TOP2A: variants seen among roughly 807,000 people sequenced by gnomAD.
TOP2A encodes the protein DNA topoisomerase II alpha, also known as DNA topoisomerase 2-alpha.
Under a neutral mutation model 187.2 loss-of-function variants are expected in TOP2A, and 68 were observed. The observed-to-expected ratio is 0.36, with a 90% CI of 0.30 to 0.44. The LOEUF is 0.44. Among genes scored for constraint, TOP2A ranks in the 20% least tolerant of loss-of-function variants. TOP2A has a pLI of 1.00. For synonymous variants in TOP2A, 542 were observed against 593.2 expected, an observed-to-expected ratio of 0.91 and a Z score of 1.25; for missense variants, 1,196 against 1,808.7, an observed-to-expected ratio of 0.66 and a Z score of 6.14.
In TOP2A at chr17:40,400,205, A is replaced by G. The variant is rs369125095; in HGVS notation, c.3000+4T>C. 1.1e-5 allele frequency: 18 copies of G among 1,613,324 alleles called. No individual in the cohort carries two copies. Among genetic ancestry groups the G allele is most frequent in the Non-Finnish European group, 1.4e-5 (17 of 1,179,412 alleles). Reference sequence around the variant, plus strand: ...CGTGTACATCTCACAAAACAAATACATACCATAGAGTTGCATGTGAGACTA... The same window carrying G: ...CGTGTACATCTCACAAAACAAATACGTACCATAGAGTTGCATGTGAGACTA... On this transcript the variant is annotated splice_donor_region_variant and intron_variant, in intron 23 of 34. Transcript: ENST00000423485.
At position 40,406,960 on chromosome 17, in the gene TOP2A, C is replaced by A. The variant is rs567408698; in HGVS notation, c.1627-18G>T. ...TCTTGGTCCTAGAAAGATTTGAAAG[C>A]CAAAGTTCAAAAGAACTGTTAGGCT... On this transcript the variant is annotated intron_variant, in intron 13 of 34. Transcript: ENST00000423485. The A allele has an allele frequency of 5.8e-6, 9 of 1,557,616 alleles. No homozygotes were observed. In the East Asian group the frequency reaches 1.8e-4, roughly 32 times the overall value.
At chr17:40,397,304 T>C (rs1030708017) in intron 27 of TOP2A, among the ~76,000 whole-genome samples, 14 of 122,860 alleles carry the variant, frequency 1.1e-4, no homozygotes, top group East Asian at 9.4e-4. Flanking sequence ...TTTTTTTTTT[T>C]AGATGGAGTC....
chr17:40,397,993 G>A (rs775213382), intron 27 of TOP2A, among the ~76,000 whole-genome samples: 10 of 151,800 alleles, frequency 6.6e-5, no homozygotes, highest in Non-Finnish European at 1.3e-4. Flanking sequence ...GGTCAGGCTG[G>A]TCTCGAACTC....
intron 1 of TOP2A, 122 bp downstream of exon 1, chr17:40,417,649 T>C: frequency 6.4e-7 from 1 of 1,550,768 alleles, no homozygotes; most frequent in Non-Finnish European, 8.7e-7. Context: ...GAATGGAGAA[T>C]ATGGGCTCCC....
chr17:40,407,967 CTGCT>C lies in TOP2A; in HGVS notation c.1496_1499del (p.Lys499ArgfsTer29). 6.2e-7 allele frequency: 1 copy of C among 1,610,642 alleles called. No homozygotes were observed. Among genetic ancestry groups the C allele is most frequent in the Non-Finnish European group, 8.5e-7 (1 of 1,178,384 alleles). ...TTCTGAAGATCGTCTTATATTCTAC[CTGCT>C]TATGAGAAGCTTCTCGAACATTGAG... On this transcript the variant is annotated frameshift_variant and splice_region_variant, in exon 12 of 35. Transcript: ENST00000423485. LOFTEE classifies it high-confidence loss of function.
chr17:40,408,800 A>G (rs1270229967), intron 10 of TOP2A, 170 bp from the exon 11 acceptor site: 3 of 727,468 alleles, frequency 4.1e-6, no homozygotes, highest in African/African-American at 3.5e-5. Flanking sequence ...TCAGGTTATC[A>G]CCACTGAGGG....
chr17:40,390,986 C>A (rs1322747933), intron 33 of TOP2A, among the ~76,000 whole-genome samples: 1 of 152,084 alleles, frequency 6.6e-6, no homozygotes, highest in Non-Finnish European at 1.5e-5. Flanking sequence ...CTTATAAATC[C>A]TATCCTTGTC....
At position 40,400,199 on chromosome 17, in the gene TOP2A, A is replaced by G. The variant is rs375014018; in HGVS notation, c.3000+10T>C. 3.7e-6 allele frequency: 6 copies of G among 1,613,154 alleles called. No homozygotes were observed. Among genetic ancestry groups the G allele is most frequent in the African/African-American group, 1.3e-5 (1 of 74,928 alleles). On this transcript the variant is annotated intron_variant, in intron 23 of 34. Transcript: ENST00000423485. ...TTGAAACGTGTACATCTCACAAAAC[A>G]AATACATACCATAGAGTTGCATGTG...
chr17:40,407,547 A>C lies in TOP2A; in HGVS notation c.1626+2T>G. 1 of 1,562,708 alleles carries C rather than the reference A, an allele frequency of 6.4e-7. No homozygotes were observed. On this transcript the variant is annotated splice_donor_variant, in intron 13 of 34. Transcript: ENST00000423485. LOFTEE classifies it high-confidence loss of function. ...ATCTAAAAATTTAATAACAAATCTGACCTGATCTGTCATAATCATTATCTT... is the reference window on the plus strand; with the variant it reads ...ATCTAAAAATTTAATAACAAATCTGCCCTGATCTGTCATAATCATTATCTT...
rs887638960 is a variant in TOP2A at position 40,395,489 on chromosome 17, G to A, written c.3771C>T (p.Gly1257=). ...GTTTCTTTTCTAATCTTTGTTTTAG[G>A]CCTTCTAGTTCCACACCATCTTCTT... ...SPQEDGVELE[G]LKQRLEKKQK... The change falls in exon 29 of 35, where the codon GGC becomes GGT. Residue 1257 remains glycine (G), a synonymous_variant. Transcript: ENST00000423485. 6 of 1,611,508 alleles carry A rather than the reference G, an allele frequency of 3.7e-6. No homozygotes were observed. The highest frequency in any genetic ancestry group is 3.4e-6 in the Non-Finnish European group (4 of 1,178,728).
intron 4 of TOP2A, among the ~76,000 whole-genome samples, chr17:40,415,701 C>G (rs1413959082): frequency 6.6e-6 from 1 of 152,172 alleles, no homozygotes; most frequent in Admixed American, 6.5e-5. Context: ...ATGGCACACA[C>G]CCATAATGCC....
intron 28 of TOP2A, 44 bp downstream of exon 28, chr17:40,396,239 C>A: frequency 8.6e-7 from 1 of 1,164,796 alleles, no homozygotes; most frequent in Non-Finnish European, 1.2e-6. Context: ...CCTTGGCCCC[C>A]AAAGTGCTGG....
At chr17:40,400,827 C>T (rs1312716982) in intron 21 of TOP2A, 23 bp downstream of exon 21, 6 of 1,610,832 alleles carry the variant, frequency 3.7e-6, no homozygotes, top group South Asian at 1.1e-5. Flanking sequence ...AGTTAAGGCT[C>T]TTAACACACA....
At chr17:40,409,942 GC>G in intron 10 of TOP2A, 1 of 179,026 alleles carries the variant, frequency 5.6e-6, no homozygotes. Context: ...AAAAAAATTA[GC>G]CAGGCATGGT....
At chr17:40,416,210 A>G in intron 3 of TOP2A, 142 bp from the exon 4 acceptor site, 1 of 785,392 alleles carries the variant, frequency 1.3e-6, no homozygotes, top group Non-Finnish European at 2.1e-6. Context: ...ATTTTTGTCC[A>G]TAGTACTGTT....
intron 29 of TOP2A, among the ~76,000 whole-genome samples, chr17:40,393,647 A>G (rs2035054654): frequency 6.6e-6 from 1 of 152,228 alleles, no homozygotes; most frequent in African/African-American, 2.4e-5. Context: ...TTAACATATG[A>G]TACTGAAATA....
chr17:40,411,268 A>C lies in TOP2A; in HGVS notation c.1066-22T>G. ...TCACCTGCAATAGAAGTTGATATTA[A>C]GCCACTAAAAATGTACTCATGCTTT... On this transcript the variant is annotated intron_variant, in intron 9 of 34. Transcript: ENST00000423485. This position sits in a 1 kb window ranked among gnomAD's most constrained non-coding sequence, Gnocchi z 4.4. 6.2e-7 allele frequency: 1 copy of C among 1,612,138 alleles called. No homozygotes were observed. The highest frequency in any genetic ancestry group is 2.2e-5 in the East Asian group (1 of 44,814).
At chr17:40,406,045 C>T (rs1404424821) in intron 16 of TOP2A, among the ~76,000 whole-genome samples, 1 of 152,108 alleles carries the variant, frequency 6.6e-6, no homozygotes, top group African/African-American at 2.4e-5. Flanking sequence ...GGATTACAGG[C>T]GTGAGCCACT....
At position 40,402,896 on chromosome 17, in the gene TOP2A, G is replaced by A. The variant is rs1210922790; in HGVS notation, c.2432+10C>T. The A allele has an allele frequency of 6.3e-7, 1 of 1,580,724 alleles. No individual in the cohort carries two copies. The highest frequency in any genetic ancestry group is 1.3e-5 in the African/African-American group (1 of 74,164). ...AATGGCAAGTCACTAGAAAGTGAAA[G>A]CATACCTACCTGAGCATTGTAAAGA... On this transcript the variant is annotated intron_variant, in intron 20 of 34. Coordinates refer to ENST00000423485, the MANE Select transcript of TOP2A (RefSeq NM_001067.4).
Sources: gnomAD v4.1 joint callset for allele counts (sites outside exome capture counted in the v4.1 genomes callset) on GRCh38, gnomAD v4.1.1 for gene constraint, Gnocchi (gnomAD v3.1) non-coding constraint, MANE v1.5 for transcripts, NCBI Gene and HGNC (gene_info 2026-07-23, HGNC 2026-07-21) for gene names.